SLC23A2: variants seen among roughly 807,000 people sequenced by gnomAD.
The protein encoded by SLC23A2 is Na(+)/L-ascorbic acid transporter 2.
Under a neutral mutation model 73.3 loss-of-function variants are expected in SLC23A2, and 36 were observed. That is an observed-to-expected ratio of 0.49 (90% CI 0.38 to 0.65). SLC23A2 has a LOEUF of 0.65. Among genes scored for constraint, SLC23A2 ranks in the 30% least tolerant of loss-of-function variants. The pLI is 0.00. For synonymous variants in SLC23A2, 343 were observed against 327.3 expected (o/e 1.05, Z -0.52); for missense variants, 507 against 841.6 (o/e 0.60, Z 4.92).
intron 6 of SLC23A2, among the ~76,000 whole-genome samples, chr20:4,889,065 T>C (rs956442930): frequency 1.6e-4 from 24 of 152,324 alleles, no homozygotes; most frequent in African/African-American, 4.8e-4. Flanking sequence ...TATAAGCAGA[T>C]ACGACGATGG....
upstream of SLC23A2, among the ~76,000 whole-genome samples, chr20:5,002,157 A>G (rs1031485470): frequency 2.0e-5 from 3 of 152,088 alleles, no homozygotes; most frequent in Non-Finnish European, 4.4e-5. Flanking sequence ...AGGTTCTTGG[A>G]CCGCTAAGCA....
chr20:4,869,749 A>G, intron 12 of SLC23A2, 157 bp downstream of exon 12: 1 of 595,016 alleles, frequency 1.7e-6, no homozygotes, highest in South Asian at 2.4e-5. Flanking sequence ...AGTCGAAAGT[A>G]AACAAAGGTG....
intron 4 of SLC23A2, among the ~76,000 whole-genome samples, chr20:4,909,307 A>G (rs989182481): frequency 6.6e-6 from 1 of 152,200 alleles, no homozygotes; most frequent in African/African-American, 2.4e-5. Flanking sequence ...TCGGTGCTCA[A>G]AAAATTTCAG....
At chr20:4,986,715 T>A in intron 1 of SLC23A2, among the ~76,000 whole-genome samples, 1 of 135,122 alleles carries the variant, frequency 7.4e-6, no homozygotes, top group Admixed American at 7.5e-5. Context: ...TAGAGAGAAG[T>A]GGGTCAGTCA....
intron 1 of SLC23A2, among the ~76,000 whole-genome samples, chr20:4,985,249 A>G (rs1179598384): frequency 6.6e-6 from 1 of 152,164 alleles, no homozygotes; most frequent in African/African-American, 2.4e-5. Context: ...CTTGTATTCA[A>G]ATGTTCATAA....
At position 4,890,725 on chromosome 20, in the gene SLC23A2, TATCCATCCATCC is replaced by T. The variant is rs370607100; in HGVS notation, c.483-4828_483-4817del. Among the ~76,000 whole-genome samples, 278 of 152,206 alleles carry T rather than the reference TATCCATCCATCC, an allele frequency of 1.8e-3. 1 individual carries two copies. Among genetic ancestry groups the T allele is most frequent in the Middle Eastern group, 6.8e-3 (2 of 294 alleles). On this transcript the variant is annotated intron_variant, in intron 6 of 16. Transcript: ENST00000338244. ...TGATGACATGTTCTATCATTTACTG[TATCCATCCATCC>T]ATCCATCCATCGACCTGCTGAACTT...
chr20:4,903,058 A>G (rs558051717), intron 4 of SLC23A2, among the ~76,000 whole-genome samples: 1 of 148,610 alleles, frequency 6.7e-6, no homozygotes, highest in South Asian at 2.2e-4. Context: ...CTATCCAAAC[A>G]CTATTGCTCA....
chr20:4,937,682 G>A (rs1369930649), intron 2 of SLC23A2, among the ~76,000 whole-genome samples: 1 of 152,218 alleles, frequency 6.6e-6, no homozygotes, highest in Admixed American at 6.5e-5. Context: ...ACTTGAATCA[G>A]TAATCTGAAC....
At chr20:4,913,632 T>C (rs1932232293) in intron 3 of SLC23A2, among the ~76,000 whole-genome samples, 1 of 151,490 alleles carries the variant, frequency 6.6e-6, no homozygotes, top group African/African-American at 2.4e-5. Flanking sequence ...TGTTGTTGTT[T>C]CGTTTTGTTT....
At chr20:4,889,645 C>T (rs1299309569) in intron 6 of SLC23A2, among the ~76,000 whole-genome samples, 1 of 151,638 alleles carries the variant, frequency 6.6e-6, no homozygotes, top group African/African-American at 2.4e-5. Context: ...CCTCTATCTG[C>T]TCCCTTCCTC....
intron 2 of SLC23A2, among the ~76,000 whole-genome samples, chr20:4,959,038 C>CT (rs2087336985): frequency 6.6e-6 from 1 of 150,400 alleles, no homozygotes; most frequent in Non-Finnish European, 1.5e-5. Context: ...CAGAGAAACC[C>CT]GTCTCTACTA....
chr20:4,922,331 C>T (rs970735437), intron 3 of SLC23A2, among the ~76,000 whole-genome samples: 7 of 152,066 alleles, frequency 4.6e-5, no homozygotes, highest in Admixed American at 3.9e-4. Flanking sequence ...TCACGATGAT[C>T]CCAGGAAGAA....
rs10639211 is a variant in SLC23A2, at chr20:4,964,832, C to CAAAA, written c.-155+5957_-155+5960dup. On this transcript the variant is annotated intron_variant, in intron 2 of 16. Transcript: ENST00000338244. ...GGGTGATGAGAGCAAGACTCTGTCTCAAAAAAAAAAAAAAGAAGAAAAGAA... is the reference window on the plus strand; with the variant it reads ...GGGTGATGAGAGCAAGACTCTGTCTCAAAAAAAAAAAAAAAAAAGAAGAAAAGAA... Among the ~76,000 whole-genome samples, 55 of 88,506 alleles carry CAAAA rather than the reference C, an allele frequency of 6.2e-4. 1 individual carries two copies. The highest frequency in any genetic ancestry group is 3.7e-3 in the South Asian group (9 of 2,416). The allele number at this position is 88,506 out of a possible 152,430, so 58.1% of individuals were successfully genotyped here. A position where few individuals can be genotyped will look rare whatever the true frequency, so the allele number is the denominator to read the frequency against.
upstream of SLC23A2, among the ~76,000 whole-genome samples, chr20:5,002,156 G>C (rs954934738): frequency 3.9e-5 from 6 of 152,264 alleles, no homozygotes; most frequent in Non-Finnish European, 8.8e-5. Context: ...GAGGTTCTTG[G>C]ACCGCTAAGC....
In SLC23A2 at chr20:4,862,701, G is replaced by T; in HGVS notation, c.1486+77C>A. On this transcript the variant is annotated intron_variant, in intron 14 of 16. Transcript: ENST00000338244. This position sits in a 1 kb window ranked among gnomAD's most constrained non-coding sequence, Gnocchi z 5.1. ...AATTTATCGTTACCTTCTTACTGAAGGGAGTCAGCAAAAACACCATGACCC... is the reference window on the plus strand; with the variant it reads ...AATTTATCGTTACCTTCTTACTGAATGGAGTCAGCAAAAACACCATGACCC... 2 of 1,301,724 alleles carry T rather than the reference G, an allele frequency of 1.5e-6. No homozygotes were observed. The highest frequency in any genetic ancestry group is 2.1e-6 in the Non-Finnish European group (2 of 930,706). The allele number at this position is 1,301,724 out of a possible 1,614,324, so 80.6% of individuals were successfully genotyped here.
intron 2 of SLC23A2, among the ~76,000 whole-genome samples, chr20:4,938,619 CG>C (rs2086997234): frequency 6.6e-6 from 1 of 152,176 alleles, no homozygotes; most frequent in Non-Finnish European, 1.5e-5. Flanking sequence ...GCCACCATGC[CG>C]GGCCCCTCAT....
chr20:4,913,013 G>T, intron 3 of SLC23A2, 35 bp from the exon 4 acceptor site: 2 of 1,403,996 alleles, frequency 1.4e-6, no homozygotes, highest in Non-Finnish European at 2.0e-6. Flanking sequence ...CTGTTTCAGC[G>T]TGAACCACAT....
At chr20:4,926,153 T>A (rs1207950463) in intron 3 of SLC23A2, among the ~76,000 whole-genome samples, 1 of 152,182 alleles carries the variant, frequency 6.6e-6, no homozygotes, top group Admixed American at 6.5e-5. Context: ...TTTCTCCCAC[T>A]CTCTGGTAAG....
intron 5 of SLC23A2, among the ~76,000 whole-genome samples, chr20:4,901,513 C>T (rs1168711066): frequency 2.0e-5 from 3 of 152,142 alleles, no homozygotes; most frequent in South Asian, 2.1e-4. Flanking sequence ...CAAAACGTCC[C>T]GCGTTCATCC....
Sources: allele counts gnomAD v4.1 joint callset (sites outside exome capture counted in the v4.1 genomes callset), GRCh38; gene constraint gnomAD v4.1.1; non-coding constraint Gnocchi (gnomAD v3.1); transcripts MANE v1.5; gene names NCBI Gene and HGNC (gene_info 2026-07-23, HGNC 2026-07-21).